Variants in PAK1 observed in about 807,000 individuals in gnomAD.
PAK1 encodes p21 (RAC1) activated kinase 1.
Under a neutral mutation model 67.4 loss-of-function variants are expected in PAK1, and 29 were observed. That is an observed-to-expected ratio of 0.43 (90% CI 0.32 to 0.59). The LOEUF is 0.59. Ranked by LOEUF, PAK1 falls within the 20% of genes least tolerant of loss-of-function variation. The probability of loss-of-function intolerance (pLI) is 0.07; values close to 1 mark genes in which losing one functional copy is unlikely to be tolerated. For synonymous variants in PAK1, 223 were observed against 237.4 expected (o/e 0.94, Z 0.56); for missense variants, 337 against 670.7 (o/e 0.50, Z 5.50).
At chr11:77,390,331 G>T (rs1950971577) in intron 2 of PAK1, among the ~76,000 whole-genome samples, 1 of 152,094 alleles carries the variant, frequency 6.6e-6, no homozygotes, top group African/African-American at 2.4e-5. Context: ...CTCCTGAGTA[G>T]CTGGGATTAT....
chr11:77,375,096 A>G (rs1948917719), intron 4 of PAK1, among the ~76,000 whole-genome samples: 1 of 152,192 alleles, frequency 6.6e-6, no homozygotes, highest in Non-Finnish European at 1.5e-5. Flanking sequence ...TTATCAGACC[A>G]CCATTGTATA....
intron 10 of PAK1, 30 bp from the exon 11 acceptor site, chr11:77,340,793 G>C (rs1323230960): frequency 8.5e-7 from 1 of 1,176,196 alleles, no homozygotes; most frequent in Admixed American, 1.7e-5. Context: ...GGGTGAGAGA[G>C]AACAATCAGA....
chr11:77,416,159 A>G (rs550858990), intron 1 of PAK1, among the ~76,000 whole-genome samples: 1 of 152,024 alleles, frequency 6.6e-6, no homozygotes, highest in African/African-American at 2.4e-5. Context: ...TCGTATTTTC[A>G]GTAGAGACGG....
intron 2 of PAK1, among the ~76,000 whole-genome samples, chr11:77,388,807 C>T (rs1238922264): frequency 6.6e-6 from 1 of 152,196 alleles, no homozygotes; most frequent in Admixed American, 6.5e-5. Context: ...TATCTAGACC[C>T]CCACTTTCCC....
chr11:77,411,825 G>A (rs1032285477), intron 1 of PAK1: 6 of 152,378 alleles, frequency 3.9e-5, no homozygotes, highest in African/African-American at 1.4e-4. Flanking sequence ...CCGTCGCAGA[G>A]CCGCACCTCT....
the PAK1 span, among the ~76,000 whole-genome samples, chr11:77,523,234 A>G: frequency 6.6e-6 from 1 of 152,126 alleles, no homozygotes; most frequent in Non-Finnish European, 1.5e-5. Flanking sequence ...ATAGTTGAAA[A>G]ATTTTTTAAA....
intron 5 of PAK1, among the ~76,000 whole-genome samples, chr11:77,371,386 C>T (rs1469639224): frequency 6.6e-6 from 1 of 152,170 alleles, no homozygotes; most frequent in Non-Finnish European, 1.5e-5. Flanking sequence ...TCTCCCCAGT[C>T]TGTCATTAAT....
intron 1 of PAK1, among the ~76,000 whole-genome samples, chr11:77,412,536 C>T (rs1954677284): frequency 6.6e-6 from 1 of 152,002 alleles, no homozygotes. Flanking sequence ...TCAAGTAATC[C>T]TCCCACCTCA....
chr11:77,401,063 C>T (rs1952614291), intron 1 of PAK1, among the ~76,000 whole-genome samples: 1 of 152,150 alleles, frequency 6.6e-6, no homozygotes, highest in Non-Finnish European at 1.5e-5. Context: ...AATATTAACT[C>T]GAGAAGAAGA....
Position 77,323,237 on chromosome 11 carries a change from G to C in PAK1, c.*37C>G, listed in dbSNP as rs372896216. The C allele has an allele frequency of 5.6e-6, 9 of 1,613,374 alleles. No homozygotes were observed. In the Middle Eastern group the frequency reaches 4.9e-4, roughly 88 times the overall value. Reference sequence around the variant, plus strand: ...TTCTGAAATGTGCATTTATCTCACAGAAGGCTTGGCACAATGAGGCTGGGG... The same window carrying C: ...TTCTGAAATGTGCATTTATCTCACACAAGGCTTGGCACAATGAGGCTGGGG... On this transcript the variant is annotated 3_prime_UTR_variant, in exon 15 of 15. Transcript: ENST00000356341.
chr11:77,420,268 G>A (rs187839888), intron 1 of PAK1, among the ~76,000 whole-genome samples: 12 of 152,248 alleles, frequency 7.9e-5, no homozygotes, highest in Admixed American at 6.5e-4. Flanking sequence ...TAAATAACTT[G>A]GTCCTTCTTG....
At chr11:77,484,204 A>C in the PAK1 span, among the ~76,000 whole-genome samples, 1 of 151,178 alleles carries the variant, frequency 6.6e-6, no homozygotes, top group South Asian at 2.1e-4. Context: ...AGCCAAAAAA[A>C]AAAAAGTTAT....
intron 1 of PAK1, among the ~76,000 whole-genome samples, chr11:77,449,445 C>A (rs1274140266): frequency 6.6e-6 from 1 of 152,098 alleles, no homozygotes; most frequent in Non-Finnish European, 1.5e-5. Context: ...TCTCACTGTA[C>A]ACATAGAGAA....
the PAK1 span, among the ~76,000 whole-genome samples, chr11:77,515,631 C>G: frequency 6.6e-6 from 1 of 152,166 alleles, no homozygotes; most frequent in South Asian, 2.1e-4. Flanking sequence ...ATCCAAAGGC[C>G]TTATTTGCAG....
chr11:77,490,604 G>T, the PAK1 span, among the ~76,000 whole-genome samples: 2 of 152,124 alleles, frequency 1.3e-5, no homozygotes, highest in South Asian at 4.1e-4. Flanking sequence ...CCCTCTGCCC[G>T]GCCGCCACCC....
rs114957769 is a variant in PAK1 at position 77,340,757 on chromosome 11, G to C, written c.1005C>G (p.Leu335=). ...TAACAACCCACAGCTCATCTCCCAC[G>C]AGGTAACTGCAGGAATACAGATAAA... is the stretch of plus-strand genomic sequence containing the variant. ...PNIVNYLDSY[L]VGDELWVVME... is the part of the protein sequence containing the mutation. The change falls in exon 11 of 15, where the codon CTC becomes CTG. Residue 335 remains leucine, a synonymous_variant. Coordinates refer to ENST00000356341, the MANE Select transcript of PAK1 (RefSeq NM_002576.5). 4 of 1,541,932 alleles carry C rather than the reference G, an allele frequency of 2.6e-6. No homozygotes were observed. Among genetic ancestry groups the C allele is most frequent in the African/African-American group, 2.7e-5 (2 of 73,486 alleles).
chr11:77,344,754 T>C (rs1339308823), intron 9 of PAK1, among the ~76,000 whole-genome samples: 3 of 152,228 alleles, frequency 2.0e-5, no homozygotes, highest in Non-Finnish European at 4.4e-5. Context: ...AGTTATCCTG[T>C]ACATGTAGCC....
At chr11:77,416,810 G>A (rs1592392774) in intron 1 of PAK1, among the ~76,000 whole-genome samples, 1 of 152,114 alleles carries the variant, frequency 6.6e-6, no homozygotes, top group South Asian at 2.1e-4. Flanking sequence ...AAAATTAGCA[G>A]GGCGTGGTGG....
chr11:77,458,814 G>A (rs1957193129), intron 1 of PAK1, among the ~76,000 whole-genome samples: 1 of 152,266 alleles, frequency 6.6e-6, no homozygotes, highest in Middle Eastern at 3.4e-3. Flanking sequence ...TCGAGGGAGT[G>A]CAAAAGTAAA....
Sources: gnomAD v4.1 joint callset for allele counts (sites outside exome capture counted in the v4.1 genomes callset) on GRCh38, gnomAD v4.1.1 for gene constraint, MANE v1.5 for transcripts, NCBI Gene and HGNC (gene_info 2026-07-23, HGNC 2026-07-21) for gene names.